Variants in SEL1L observed in about 807,000 individuals in gnomAD.
The protein encoded by SEL1L is protein sel-1 homolog 1.
SEL1L carries 52 observed loss-of-function variants against 109.8 expected under a neutral mutation model. That is an observed-to-expected ratio of 0.47 (90% CI 0.38 to 0.60). The LOEUF (loss-of-function observed/expected upper bound fraction) is 0.60, where lower values mean the gene tolerates loss of function less well. SEL1L is among the 20% of genes least tolerant of loss of function. SEL1L has a pLI of 0.00. For missense variants in SEL1L, 749 were observed against 962.2 expected (o/e 0.78, Z 2.93); for synonymous variants, 373 against 339.6 (o/e 1.10, Z -1.08).
At chr14:81,494,121 T>C (rs1442897076) in intron 11 of SEL1L, among the ~76,000 whole-genome samples, 1 of 152,170 alleles carries the variant, frequency 6.6e-6, no homozygotes, top group African/African-American at 2.4e-5. Flanking sequence ...CACTATCCAA[T>C]GCCTGAACAT....
intron 3 of SEL1L, among the ~76,000 whole-genome samples, chr14:81,507,608 A>C (rs1884291519): frequency 6.6e-6 from 1 of 151,370 alleles, no homozygotes; most frequent in African/African-American, 2.5e-5. Flanking sequence ...CACAAAAAAA[A>C]CAGCAAAAAC....
rs570195864 is a variant in SEL1L, at chr14:81,477,739, G to A, written c.2176-558C>T. Among the ~76,000 whole-genome samples, 11 of 152,320 alleles carry A rather than the reference G, an allele frequency of 7.2e-5. No homozygotes were observed. In the East Asian group the frequency reaches 1.9e-3, roughly 27 times the overall value. ...GAGGCACAAGAATTGCCTGAACCCA[G>A]GAGGTGGAGGTTGCGGTGAGCCGAG... On this transcript the variant is annotated intron_variant, in intron 20 of 20. Coordinates refer to ENST00000336735, the MANE Select transcript of SEL1L (RefSeq NM_005065.6).
intron 16 of SEL1L, among the ~76,000 whole-genome samples, 169 bp downstream of exon 16, chr14:81,487,221 G>C (rs563226968): frequency 6.6e-6 from 1 of 152,224 alleles, no homozygotes; most frequent in East Asian, 1.9e-4. Flanking sequence ...GAATAAATAA[G>C]TATGGTAATT....
chr14:81,482,562 T>A (rs578207014), intron 19 of SEL1L, among the ~76,000 whole-genome samples: 1 of 152,108 alleles, frequency 6.6e-6, no homozygotes, highest in Non-Finnish European at 1.5e-5. Flanking sequence ...TAAGTCTAAT[T>A]TGGGACACTG....
chr14:81,527,176 T>C (rs557056056), intron 2 of SEL1L, among the ~76,000 whole-genome samples: 4 of 152,270 alleles, frequency 2.6e-5, no homozygotes, highest in South Asian at 2.1e-4. Flanking sequence ...TAGATGTTAC[T>C]TCCCCCAGAA....
At chr14:81,499,398 G>T (rs769592718) in intron 8 of SEL1L, 61 bp downstream of exon 8, 2 of 1,570,080 alleles carry the variant, frequency 1.3e-6, no homozygotes. Flanking sequence ...AGTTGTGGCC[G>T]CTATAAACCA....
chr14:81,522,008 G>A (rs1288334029), intron 3 of SEL1L, among the ~76,000 whole-genome samples: 1 of 151,834 alleles, frequency 6.6e-6, no homozygotes, highest in Non-Finnish European at 1.5e-5. Context: ...TAACAAAAAC[G>A]TTTAAAAAGT....
In SEL1L at chr14:81,487,944, T is replaced by C; in HGVS notation, c.1396-2A>G. 1 of 1,611,580 alleles carries C rather than the reference T, an allele frequency of 6.2e-7. No individual in the cohort carries two copies. The highest frequency in any genetic ancestry group is 8.5e-7 in the Non-Finnish European group (1 of 1,178,398). On this transcript the variant is annotated splice_acceptor_variant, in intron 14 of 20. Transcript: ENST00000336735. LOFTEE classifies it high-confidence loss of function. The stretch of plus-strand genomic sequence containing the variant: ...ATACTTAAGGGCTAGATCATAATTC[T>C]GTAGAAAAAGATGTCATATGATGAG...
intron 10 of SEL1L, 142 bp downstream of exon 10, chr14:81,497,750 G>A: frequency 1.4e-6 from 1 of 705,252 alleles, no homozygotes; most frequent in South Asian, 2.4e-5. Flanking sequence ...TTTTTAAGGG[G>A]CTCAGGTGAT....
intron 3 of SEL1L, among the ~76,000 whole-genome samples, chr14:81,518,656 G>A (rs140159987): frequency 0.011 from 1,272 of 114,496 alleles, 16 homozygotes; most frequent in African/African-American, 0.056. Context: ...GCGAGACTTC[G>A]TCTAAAAAAA....
intron 1 of SEL1L, among the ~76,000 whole-genome samples, chr14:81,532,520 G>A (rs1398947644): frequency 1.3e-5 from 2 of 152,186 alleles, no homozygotes; most frequent in Non-Finnish European, 2.9e-5. Flanking sequence ...AGGGAGGGGA[G>A]TGGACCTGAA....
chr14:81,479,931 A>C (rs1903294286), intron 19 of SEL1L, among the ~76,000 whole-genome samples, 191 bp from the exon 20 acceptor site: 1 of 152,140 alleles, frequency 6.6e-6, no homozygotes, highest in Non-Finnish European at 1.5e-5. Flanking sequence ...ATATTGAAAA[A>C]CTTAATTAAA....
At chr14:81,503,202 G>A (rs905252925) in intron 5 of SEL1L, among the ~76,000 whole-genome samples, 10 of 152,090 alleles carry the variant, frequency 6.6e-5, no homozygotes, top group Admixed American at 5.2e-4. Context: ...ATGTTGGTCA[G>A]GCTGATCTCG....
intron 5 of SEL1L, among the ~76,000 whole-genome samples, chr14:81,503,820 C>T (rs561064695): frequency 6.1e-4 from 93 of 151,980 alleles, no homozygotes; most frequent in Non-Finnish European, 4.7e-4. Context: ...CTGTTTTTTC[C>T]AAGCACAAAT....
At chr14:81,499,685 G>A (rs1456382243) in intron 6 of SEL1L, 23 bp from the exon 7 acceptor site, 14 of 1,592,314 alleles carry the variant, frequency 8.8e-6, no homozygotes, top group Non-Finnish European at 1.2e-5. Flanking sequence ...ATAAAAGTAA[G>A]AAATCTTGCT....
rs929451577 is a variant in SEL1L, at chr14:81,533,817, C to T, written c.-73G>A. On this transcript the variant is annotated 5_prime_UTR_variant, in exon 1 of 21. Coordinates refer to ENST00000336735, the MANE Select transcript of SEL1L (RefSeq NM_005065.6). ...CTGCCACCACGGACTCAGCCACCAC[C>T]GCCGCCTCGCCGCTGCTCTTCCTGC... The T allele has an allele frequency of 2.2e-6, 3 of 1,395,192 alleles. No individual in the cohort carries two copies. The highest frequency in any genetic ancestry group is 2.4e-5 in the South Asian group (2 of 83,112). 86.4% of individuals were successfully genotyped at this position (1,395,192 alleles called of 1,614,324 possible).
At chr14:81,528,941 C>T (rs776736777) in intron 1 of SEL1L, among the ~76,000 whole-genome samples, 7 of 152,154 alleles carry the variant, frequency 4.6e-5, no homozygotes, top group African/African-American at 9.6e-5. Flanking sequence ...ATACAAGACA[C>T]TACCTCACAA....
chr14:81,518,878 A>T (rs147707619), intron 3 of SEL1L, among the ~76,000 whole-genome samples: 107 of 152,260 alleles, frequency 7.0e-4, no homozygotes, highest in African/African-American at 2.5e-3. Context: ...GCCTTGGCCA[A>T]TGACCTAGGG....
In SEL1L at chr14:81,500,528, G is replaced by A. The variant is rs144210474; in HGVS notation, c.778-866C>T. On this transcript the variant is annotated intron_variant, in intron 6 of 20. Coordinates refer to ENST00000336735, the MANE Select transcript of SEL1L (RefSeq NM_005065.6). ...TGGGATTACAGGCATGAGCCACCAC[G>A]CCCAGCCAAATGTAACTTTAAACAA... Among the ~76,000 whole-genome samples the A allele has an allele frequency of 3.5e-3, 529 of 152,228 alleles. 2 individuals carry two copies. Among genetic ancestry groups the A allele is most frequent in the Middle Eastern group, 0.01 (3 of 294 alleles).
Sources: gnomAD v4.1 joint callset for allele counts (sites outside exome capture counted in the v4.1 genomes callset) on GRCh38, gnomAD v4.1.1 for gene constraint, MANE v1.5 for transcripts, NCBI Gene and HGNC (gene_info 2026-07-23, HGNC 2026-07-21) for gene names.